Variants in SYNPR observed in about 807,000 individuals in gnomAD.
SYNPR encodes the protein synaptoporin.
A neutral mutation model predicts 32.9 loss-of-function variants in SYNPR; 23 were observed. The ratio of observed to expected loss-of-function variants is 0.70; its 90% CI spans 0.50 to 0.99. SYNPR has a LOEUF of 0.99. Among genes scored for constraint, SYNPR ranks in the 50% least tolerant of loss-of-function variants. SYNPR has a pLI of 0.00. For synonymous variants in SYNPR, 146 were observed against 135.9 expected (o/e 1.07, Z -0.52); for missense variants, 318 against 349.3 (o/e 0.91, Z 0.71).
At chr3:63,443,767 T>C (rs1350377275) in intron 2 of SYNPR, among the ~76,000 whole-genome samples, 1 of 152,218 alleles carries the variant, frequency 6.6e-6, no homozygotes, top group Non-Finnish European at 1.5e-5. Context: ...AACTGTAATG[T>C]CATTCTACCC....
At chr3:63,209,677 C>T in the SYNPR span, among the ~76,000 whole-genome samples, 1 of 152,078 alleles carries the variant, frequency 6.6e-6, no homozygotes. Context: ...CCCTATTTAC[C>T]TCGTTAATTT....
chr3:63,562,754 GAGA>G (rs1349110667), intron 4 of SYNPR, among the ~76,000 whole-genome samples: 3 of 152,206 alleles, frequency 2.0e-5, no homozygotes, highest in Non-Finnish European at 4.4e-5. Context: ...GCTTGTATCA[GAGA>G]AGAAGTTAAT....
At chr3:63,224,739 G>A (rs1024721333), upstream of SYNPR, among the ~76,000 whole-genome samples, 1 of 152,192 alleles carries the variant, frequency 6.6e-6, no homozygotes, top group African/African-American at 2.4e-5. Context: ...AGAAATTGAG[G>A]AGAGAAGGAT....
At chr3:63,334,548 G>C (rs944825864) in intron 2 of SYNPR, among the ~76,000 whole-genome samples, 5 of 90,788 alleles carry the variant, frequency 5.5e-5, no homozygotes, top group East Asian at 2.6e-4. Context: ...GTGTGTGTGT[G>C]TGTGTGTGTG....
rs185827121 is a variant in SYNPR, at chr3:63,559,156, C to T, written c.408+2415C>T. 2.0e-4 allele frequency among the ~76,000 whole-genome samples: 30 copies of T among 150,946 alleles called. No homozygotes were observed. The East Asian group carries it at 5.7e-3, about 28-fold the overall frequency. ...GATCTCGGCTCACTTCAACCTTCAC[C>T]TCCTGGGTTCAAATGATCTTCCCAC... On this transcript the variant is annotated intron_variant, in intron 4 of 5. Coordinates refer to ENST00000478300, the MANE Select transcript of SYNPR (RefSeq NM_001130003.2).
chr3:63,520,838 A>T (rs1470640484), intron 3 of SYNPR, among the ~76,000 whole-genome samples: 4 of 152,174 alleles, frequency 2.6e-5, no homozygotes, highest in African/African-American at 9.7e-5. Context: ...CTGCCTGCCC[A>T]TGACTTTGCT....
chr3:63,427,715 A>G (rs1699917793), intron 2 of SYNPR: 1 of 152,254 alleles, frequency 6.6e-6, no homozygotes, highest in Non-Finnish European at 1.5e-5. Context: ...AGGGGAGCTC[A>G]GAGCATACAG....
intron 4 of SYNPR, among the ~76,000 whole-genome samples, chr3:63,560,091 T>C (rs1462941042): frequency 2.6e-5 from 4 of 152,234 alleles, no homozygotes; most frequent in African/African-American, 9.6e-5. Context: ...AAATCCTGAA[T>C]TGTATAATAC....
intron 2 of SYNPR, among the ~76,000 whole-genome samples, chr3:63,453,227 T>A (rs1308259642): frequency 2.0e-5 from 3 of 152,172 alleles, no homozygotes; most frequent in Non-Finnish European, 2.9e-5. Context: ...TTGTTTGACC[T>A]GCCCAGATTT....
At chr3:63,246,335 T>C (rs10866063) in intron 1 of SYNPR, among the ~76,000 whole-genome samples, 35,477 of 152,038 alleles carry the variant, frequency 0.23, 4,448 homozygotes, top group South Asian at 0.39. Context: ...GGAGGTGTGA[T>C]TGTACTTGTT....
At chr3:63,442,164 A>AGTGTGTGTGTGTGTGTGTGT (rs34163380) in intron 2 of SYNPR, among the ~76,000 whole-genome samples, 9 of 148,328 alleles carry the variant, frequency 6.1e-5, no homozygotes, top group African/African-American at 2.3e-4. Context: ...TGGTAGTGAT[A>AGTGTGTGTGTGTGTGTGTGT]GTGTGTGTGT....
intron 2 of SYNPR, among the ~76,000 whole-genome samples, chr3:63,390,902 A>T (rs2088124281): frequency 6.6e-6 from 1 of 152,162 alleles, no homozygotes. Flanking sequence ...TCTTCTTTGC[A>T]TCTGTTGTTA....
intron 2 of SYNPR, chr3:63,267,260 T>A (rs2086497956): frequency 6.6e-6 from 1 of 151,990 alleles, no homozygotes; most frequent in Non-Finnish European, 1.5e-5. Context: ...GATACATGAG[T>A]TTTTCCCACC....
chr3:63,388,465 G>A (rs1347970708), intron 2 of SYNPR, among the ~76,000 whole-genome samples: 1 of 133,456 alleles, frequency 7.5e-6, no homozygotes, highest in Non-Finnish European at 1.5e-5. Context: ...TCGGCTCACT[G>A]CAACCTCCAC....
At chr3:63,408,374 AAG>A (rs1263093306) in intron 2 of SYNPR, among the ~76,000 whole-genome samples, 1 of 149,448 alleles carries the variant, frequency 6.7e-6, no homozygotes, top group African/African-American at 2.5e-5. Flanking sequence ...GAAAGAAAGA[AAG>A]AAAGAAAAGG....
chr3:63,540,103 T>C (rs1369407929), intron 3 of SYNPR, among the ~76,000 whole-genome samples: 1 of 152,168 alleles, frequency 6.6e-6, no homozygotes, highest in African/African-American at 2.4e-5. Context: ...TCAGTTATAA[T>C]AATAGTATTT....
chr3:63,476,151 G>GGAAAGA (rs1559510421), intron 2 of SYNPR, among the ~76,000 whole-genome samples: 42 of 29,610 alleles, frequency 1.4e-3, no homozygotes, highest in East Asian at 0.011. Context: ...GGAAGGAAGG[G>GGAAAGA]AGGGAGGGAG....
At chr3:63,591,198 A>T (rs1006038212) in intron 4 of SYNPR, among the ~76,000 whole-genome samples, 2 of 146,208 alleles carry the variant, frequency 1.4e-5, no homozygotes, top group African/African-American at 5.1e-5. Flanking sequence ...CAAAAAACAC[A>T]TGAAAAAATG....
chr3:63,357,855 G>A (rs571478406), intron 2 of SYNPR, among the ~76,000 whole-genome samples: 1 of 152,280 alleles, frequency 6.6e-6, no homozygotes, highest in African/African-American at 2.4e-5. Context: ...ATGACTGAAT[G>A]TATTGGCAAC....
Sources: gnomAD v4.1 joint callset for allele counts (sites outside exome capture counted in the v4.1 genomes callset) on GRCh38, gnomAD v4.1.1 for gene constraint, MANE v1.5 for transcripts, NCBI Gene and HGNC (gene_info 2026-07-23, HGNC 2026-07-21) for gene names.